The following TENM2 variants were observed in gnomAD, a reference collection of about 807,000 sequenced individuals.
TENM2 encodes the protein teneurin transmembrane protein 2.
Under a neutral mutation model 245.2 loss-of-function variants are expected in TENM2, and 52 were observed. The observed-to-expected ratio is 0.21, with a 90% CI of 0.17 to 0.27. The LOEUF is 0.27. Ranked by LOEUF, TENM2 falls within the 10% of genes least tolerant of loss-of-function variation. The probability of loss-of-function intolerance (pLI) is 1.00; values close to 1 mark genes in which losing one functional copy is unlikely to be tolerated. For synonymous variants in TENM2, 1,363 were observed against 1,438.9 expected, an observed-to-expected ratio of 0.95 and a Z score of 1.19; for missense variants, 3,046 against 3,666.8, an observed-to-expected ratio of 0.83 and a Z score of 4.37.
At chr5:167,924,510 A>G (rs1188363291) in intron 3 of TENM2, among the ~76,000 whole-genome samples, 1 of 152,224 alleles carries the variant, frequency 6.6e-6, no homozygotes, top group Non-Finnish European at 1.5e-5. Flanking sequence ...TCTGGAGTTC[A>G]TGACATAGGT....
At chr5:168,019,288 C>G (rs1024812579) in intron 5 of TENM2, among the ~76,000 whole-genome samples, 33 of 152,152 alleles carry the variant, frequency 2.2e-4, no homozygotes, top group Non-Finnish European at 4.4e-5. Flanking sequence ...TTAAGTGACT[C>G]AAAACCCGCC....
chr5:167,810,554 G>A (rs1766558769), intron 2 of TENM2, among the ~76,000 whole-genome samples: 2 of 151,786 alleles, frequency 1.3e-5, no homozygotes, highest in Admixed American at 6.6e-5. Flanking sequence ...GAGCTTACAG[G>A]ATTATTGCTC....
At chr5:167,571,395 C>G (rs577952837) in intron 2 of TENM2, among the ~76,000 whole-genome samples, 1 of 152,170 alleles carries the variant, frequency 6.6e-6, no homozygotes, top group Non-Finnish European at 1.5e-5. Context: ...CATACGCTGT[C>G]ATATAAGCAT....
At chr5:167,476,052 C>A (rs1767350249) in intron 2 of TENM2, among the ~76,000 whole-genome samples, 1 of 152,060 alleles carries the variant, frequency 6.6e-6, no homozygotes, top group African/African-American at 2.4e-5. Flanking sequence ...TCCCAAATAT[C>A]TTTAATGTCT....
intron 1 of TENM2, among the ~76,000 whole-genome samples, chr5:167,320,538 T>C (rs1486584435): frequency 1.4e-5 from 2 of 147,796 alleles, no homozygotes; most frequent in East Asian, 3.9e-4. Context: ...CTGAAACTCA[T>C]GTCGAAGTTT....
intron 13 of TENM2, among the ~76,000 whole-genome samples, chr5:168,168,284 T>C (rs1758485239): frequency 6.6e-6 from 1 of 152,184 alleles, no homozygotes; most frequent in Admixed American, 6.5e-5. Flanking sequence ...CCCAGCCTAA[T>C]GTCATAGTGC....
chr5:168,147,813 G>A (rs1489572580), intron 12 of TENM2, among the ~76,000 whole-genome samples: 2 of 152,160 alleles, frequency 1.3e-5, no homozygotes, highest in African/African-American at 4.8e-5. Context: ...ATTTCCCAGA[G>A]CCACATAAAA....
chr5:167,436,955 C>G (rs1385930623), intron 2 of TENM2, among the ~76,000 whole-genome samples: 2 of 152,176 alleles, frequency 1.3e-5, no homozygotes, highest in African/African-American at 2.4e-5. Flanking sequence ...GGGGCGAGCC[C>G]TCACGGAGAA....
chr5:168,257,054 C>A lies in TENM2; in HGVS notation c.7433-3229C>A, dbSNP rs559905083. Reference sequence around the variant, plus strand: ...TCATTCTATAGATACTTACGGAGCACCTATTTTGTGCCAGGCATTGTTGTA... The same window carrying A: ...TCATTCTATAGATACTTACGGAGCAACTATTTTGTGCCAGGCATTGTTGTA... On this transcript the variant is annotated intron_variant, in intron 27 of 28. Coordinates refer to ENST00000518659, the Ensembl canonical transcript of TENM2. Among the ~76,000 whole-genome samples, 8 of 152,180 alleles carry A rather than the reference C, an allele frequency of 5.3e-5. No homozygotes were observed. The South Asian group carries it at 1.7e-3, about 32-fold the overall frequency.
chr5:168,051,170 A>T (rs1475150094), intron 6 of TENM2, among the ~76,000 whole-genome samples: 1 of 152,226 alleles, frequency 6.6e-6, no homozygotes, highest in East Asian at 1.9e-4. Context: ...TTGTGCACAG[A>T]TTTTAAGAAA....
chr5:167,066,532 T>TC, the TENM2 span, among the ~76,000 whole-genome samples: 1 of 97,944 alleles, frequency 1.0e-5, no homozygotes, highest in Non-Finnish European at 2.1e-5. Flanking sequence ...CCTTCCCCCC[T>TC]CCCCCCTCCC....
intron 25 of TENM2, chr5:168,232,427 G>A (rs1765020174): frequency 6.6e-6 from 1 of 152,202 alleles, no homozygotes; most frequent in South Asian, 2.1e-4. Context: ...TAAGATTCTG[G>A]TGGCCCCAGC....
Position 167,486,414 on chromosome 5 carries a change from T to C in TENM2, c.502+110941T>C, listed in dbSNP as rs918208629. Among the ~76,000 whole-genome samples, 164 of 151,614 alleles carry C rather than the reference T, an allele frequency of 1.1e-3. 1 individual carries two copies. Among genetic ancestry groups the C allele is most frequent in the Non-Finnish European group, 1.3e-4 (9 of 67,854 alleles). ...CGCCATCTCGGCTTGCTGCAAGCTC[T>C]GCCTCCCGGGTTCACGCCATTCTCC... On this transcript the variant is annotated intron_variant, in intron 2 of 28. Transcript: ENST00000518659.
chr5:167,196,474 A>ATATATATGTGTG, the TENM2 span, among the ~76,000 whole-genome samples: 1 of 150,350 alleles, frequency 6.7e-6, no homozygotes, highest in African/African-American at 2.5e-5. Flanking sequence ...ATGTGTGTAT[A>ATATATATGTGTG]TATATATGTG....
the TENM2 span, among the ~76,000 whole-genome samples, chr5:167,214,118 A>G: frequency 1.3e-5 from 2 of 152,194 alleles, no homozygotes; most frequent in Non-Finnish European, 2.9e-5. Context: ...TCTACAAACA[A>G]TAAGAGTTGG....
At chr5:167,198,427 T>C in the TENM2 span, among the ~76,000 whole-genome samples, 1 of 152,190 alleles carries the variant, frequency 6.6e-6, no homozygotes, top group South Asian at 2.1e-4. Flanking sequence ...GATCTAGGTG[T>C]GACCCCTCTT....
intron 3 of TENM2, among the ~76,000 whole-genome samples, chr5:167,950,532 G>A (rs1780003699): frequency 6.6e-6 from 1 of 152,104 alleles, no homozygotes; most frequent in Non-Finnish European, 1.5e-5. Flanking sequence ...TCTCACTTGT[G>A]CACTGACCCG....
the TENM2 span, among the ~76,000 whole-genome samples, chr5:167,197,204 G>A: frequency 6.6e-6 from 1 of 151,972 alleles, no homozygotes. Flanking sequence ...AACCTAACAG[G>A]GACACACAGT....
chr5:167,057,068 C>T, the TENM2 span, among the ~76,000 whole-genome samples: 2 of 151,974 alleles, frequency 1.3e-5, no homozygotes, highest in Non-Finnish European at 2.9e-5. Flanking sequence ...TTTCTATTAT[C>T]ATATCCTCAA....
Sources: gnomAD v4.1 joint callset for allele counts (sites outside exome capture counted in the v4.1 genomes callset) on GRCh38, gnomAD v4.1.1 for gene constraint, MANE v1.5 for transcripts, NCBI Gene and HGNC (gene_info 2026-07-23, HGNC 2026-07-21) for gene names.